Variants in ASAP2 observed in about 807,000 individuals in gnomAD.
ASAP2 encodes the protein ArfGAP with SH3 domain, ankyrin repeat and PH domain 2.
A neutral mutation model predicts 131.4 loss-of-function variants in ASAP2; 45 were observed. The ratio of observed to expected loss-of-function variants is 0.34; its 90% confidence interval spans 0.27 to 0.44. ASAP2 has a LOEUF of 0.44. ASAP2 is among the 20% of genes least tolerant of loss of function. ASAP2 has a pLI of 1.00. For synonymous variants in ASAP2, 510 were observed against 503.0 expected, an observed-to-expected ratio of 1.01 and a Z score of -0.19; for missense variants, 1,011 against 1,297.0, an observed-to-expected ratio of 0.78 and a Z score of 3.39.
At chr2:9,361,399 A>C (rs1484236270) in intron 15 of ASAP2, among the ~76,000 whole-genome samples, 1 of 152,054 alleles carries the variant, frequency 6.6e-6, no homozygotes, top group African/African-American at 2.4e-5. Flanking sequence ...GTATGCTAGG[A>C]GTGTGGTCAT....
At chr2:9,380,924 T>C in intron 20 of ASAP2, 116 bp downstream of exon 20, 1 of 1,121,916 alleles carries the variant, frequency 8.9e-7, no homozygotes, top group Non-Finnish European at 1.3e-6. Context: ...GCTCAGTGTT[T>C]CTGATGGGAT....
intron 6 of ASAP2, among the ~76,000 whole-genome samples, chr2:9,324,995 T>G (rs1442823935): frequency 1.3e-5 from 2 of 152,196 alleles, no homozygotes; most frequent in Non-Finnish European, 2.9e-5. Context: ...TGCTCCTTGA[T>G]TCCTCCTTTA....
Position 9,403,369 on chromosome 2 carries a change from C to T in ASAP2, c.*42C>T, listed in dbSNP as rs370799549. The T allele has an allele frequency of 1.4e-4, 227 of 1,585,964 alleles. 1 individual carries two copies. The African/African-American group carries it at 2.6e-3, about 18-fold the overall frequency. On this transcript the variant is annotated 3_prime_UTR_variant, in exon 28 of 28. Coordinates refer to ENST00000281419, the MANE Select transcript of ASAP2 (RefSeq NM_003887.3). ...AGCATTAACAGTTATGTTCCTGTTT[C>T]GTTATTGGTACCAAAACTCTTGCCA...
At chr2:9,395,601 T>TC (rs1167560655) in intron 24 of ASAP2, among the ~76,000 whole-genome samples, 9 of 81,338 alleles carry the variant, frequency 1.1e-4, no homozygotes, top group African/African-American at 9.3e-4. Context: ...TTTCTTTTTT[T>TC]TTTTTTTTTT....
intron 1 of ASAP2, among the ~76,000 whole-genome samples, chr2:9,238,333 CAG>C (rs1663699392): frequency 6.6e-6 from 1 of 152,180 alleles, no homozygotes; most frequent in Admixed American, 6.5e-5. Context: ...TCTGTAACAC[CAG>C]AGAGCTGGAC....
intron 1 of ASAP2, among the ~76,000 whole-genome samples, chr2:9,247,343 C>T (rs1478196342): frequency 2.0e-5 from 3 of 152,162 alleles, no homozygotes; most frequent in African/African-American, 4.8e-5. Context: ...GCTCCCAGTC[C>T]GCAGATGCCT....
At chr2:9,353,415 A>T (rs2148640378) in intron 12 of ASAP2, among the ~76,000 whole-genome samples, 1 of 152,190 alleles carries the variant, frequency 6.6e-6, no homozygotes, top group East Asian at 1.9e-4. Context: ...AAAATAGTGC[A>T]GTATGGTGAC....
intron 1 of ASAP2, among the ~76,000 whole-genome samples, chr2:9,253,897 T>C (rs1664904904): frequency 6.6e-6 from 1 of 151,842 alleles, no homozygotes; most frequent in South Asian, 2.1e-4. Flanking sequence ...GAGACCACAT[T>C]CACATAACTT....
chr2:9,382,230 C>T (rs1475668981), intron 20 of ASAP2, among the ~76,000 whole-genome samples: 2 of 152,188 alleles, frequency 1.3e-5, no homozygotes, highest in South Asian at 2.1e-4. Context: ...GCAATCCACC[C>T]GCCTTGGCCT....
intron 1 of ASAP2, among the ~76,000 whole-genome samples, chr2:9,212,618 C>T (rs1048933833): frequency 7.9e-5 from 12 of 152,172 alleles, no homozygotes; most frequent in African/African-American, 2.2e-4. Context: ...ATGCACCCCA[C>T]GTTTCCAGGC....
At chr2:9,259,470 C>T (rs1665424062) in intron 1 of ASAP2, among the ~76,000 whole-genome samples, 1 of 152,244 alleles carries the variant, frequency 6.6e-6, no homozygotes, top group South Asian at 2.1e-4. Context: ...GGCTCCCACC[C>T]CTCAGCCTGG....
chr2:9,316,092 G>A (rs931865686), intron 3 of ASAP2, among the ~76,000 whole-genome samples: 1 of 152,192 alleles, frequency 6.6e-6, no homozygotes, highest in South Asian at 2.1e-4. Context: ...GCCGAGGAGG[G>A]CAGATTGCTT....
At chr2:9,343,574 A>G (rs1031007799) in intron 9 of ASAP2, among the ~76,000 whole-genome samples, 6 of 152,108 alleles carry the variant, frequency 3.9e-5, no homozygotes, top group Non-Finnish European at 8.8e-5. Context: ...AGCCTCCCGC[A>G]TACCTGGGAC....
At chr2:9,326,290 T>A (rs905199894) in intron 6 of ASAP2, among the ~76,000 whole-genome samples, 6 of 152,218 alleles carry the variant, frequency 3.9e-5, no homozygotes, top group African/African-American at 1.4e-4. Context: ...ACTGAAGTTC[T>A]CAAGCTTTAA....
At chr2:9,340,686 A>AATTGTCTGGAC (rs1671520797) in intron 9 of ASAP2, among the ~76,000 whole-genome samples, 1 of 152,182 alleles carries the variant, frequency 6.6e-6, no homozygotes, top group South Asian at 2.1e-4. Context: ...CAATCACAGG[A>AATTGTCTGGAC]ATTGTCTGGA....
intron 15 of ASAP2, among the ~76,000 whole-genome samples, chr2:9,362,570 G>A (rs1001288399): frequency 8.5e-5 from 13 of 152,152 alleles, no homozygotes; most frequent in African/African-American, 3.1e-4. Context: ...CTGGTGTGGT[G>A]GCCGGCGCCT....
chr2:9,332,723 A>G (rs889422256), intron 7 of ASAP2, among the ~76,000 whole-genome samples: 1 of 151,866 alleles, frequency 6.6e-6, no homozygotes, highest in Non-Finnish European at 1.5e-5. Flanking sequence ...TATTTTTCCT[A>G]CTCCTTATCT....
At chr2:9,328,042 A>G in intron 7 of ASAP2, 131 bp downstream of exon 7, 1 of 592,224 alleles carries the variant, frequency 1.7e-6, no homozygotes, top group Non-Finnish European at 2.8e-6. Flanking sequence ...GTGCTGACTC[A>G]TGCGACAACA....
chr2:9,311,118 G>A lies in ASAP2; in HGVS notation c.346-7406G>A, dbSNP rs545341864. Among the ~76,000 whole-genome samples, 2 of 152,308 alleles carry A rather than the reference G, an allele frequency of 1.3e-5. No individual in the cohort carries two copies. Among genetic ancestry groups the A allele is most frequent in the African/African-American group, 4.8e-5 (2 of 41,562 alleles). ...TTTTGAAAGATTGCCTGGGCTGGGT[G>A]TGGTGGCTCATGCCTATAGTCCCAG... On this transcript the variant is annotated intron_variant, in intron 3 of 27. Coordinates refer to ENST00000281419, the MANE Select transcript of ASAP2 (RefSeq NM_003887.3). The surrounding 1 kb of genome is among the most constrained non-coding windows in gnomAD (Gnocchi z 5.2).
Sources: allele counts gnomAD v4.1 joint callset (sites outside exome capture counted in the v4.1 genomes callset), GRCh38; gene constraint gnomAD v4.1.1; non-coding constraint Gnocchi (gnomAD v3.1); transcripts MANE v1.5; gene names NCBI Gene and HGNC (gene_info 2026-07-23, HGNC 2026-07-21).